The following C8orf34 variants were observed in gnomAD, a reference collection of about 807,000 sequenced individuals.
C8orf34 encodes uncharacterized protein C8orf34.
C8orf34 carries 65 observed loss-of-function variants against 68.3 expected under a neutral mutation model. The observed-to-expected ratio is 0.95, with a 90% CI of 0.78 to 1.17. C8orf34 has a LOEUF of 1.17. C8orf34 is among the 50% of genes most tolerant of loss of function. C8orf34 has a pLI of 0.00. For missense variants in C8orf34, 664 were observed against 655.4 expected (o/e 1.01, Z -0.14); for synonymous variants, 244 against 241.2 (o/e 1.01, Z -0.11).
intron 8 of C8orf34, among the ~76,000 whole-genome samples, chr8:68,662,347 G>A (rs1316658663): frequency 6.6e-6 from 1 of 152,110 alleles, no homozygotes; most frequent in Admixed American, 6.5e-5. Context: ...TAGAAAGGGG[G>A]TACAAGACAT....
intron 8 of C8orf34, among the ~76,000 whole-genome samples, chr8:68,707,426 A>C (rs2130955133): frequency 6.6e-6 from 1 of 152,320 alleles, no homozygotes; most frequent in East Asian, 1.9e-4. Flanking sequence ...TCTCTATGAC[A>C]TTTGGTTTAT....
chr8:68,699,346 G>A (rs184431077), intron 8 of C8orf34, among the ~76,000 whole-genome samples: 2 of 152,092 alleles, frequency 1.3e-5, no homozygotes, highest in South Asian at 2.1e-4. Flanking sequence ...TGTTCTGAAC[G>A]AAGTGTGCTG....
At position 68,521,932 on chromosome 8, in the gene C8orf34, A is replaced by C. The variant is rs1009987754; in HGVS notation, c.899A>C (p.Gln300Pro). ...CCAATTCCAAGAAGCAAAAATGACCAATGGGAAAGTGAAGATAGTGGCTCT... is the reference window on the plus strand; with the variant it reads ...CCAATTCCAAGAAGCAAAAATGACCCATGGGAAAGTGAAGATAGTGGCTCT... ...QPPIPRSKND[Q>P]WESEDSGSSP... Residue 300 changes from glutamine to proline, a missense_variant, in exon 6 of 14, where the codon CAA (glutamine) becomes CCA (proline). By Grantham distance (76) the Gln-to-Pro change is moderately conservative (BLOSUM62 -1). Coordinates refer to ENST00000518698, the MANE Select transcript of C8orf34 (RefSeq NM_052958.4). 2.5e-6 allele frequency: 4 copies of C among 1,613,996 alleles called. No individual in the cohort carries two copies. The African/African-American group carries it at 5.3e-5, about 22-fold the overall frequency.
intron 7 of C8orf34, among the ~76,000 whole-genome samples, chr8:68,603,325 C>T (rs761244088): frequency 2.6e-5 from 4 of 152,014 alleles, no homozygotes; most frequent in African/African-American, 7.2e-5. Flanking sequence ...ACTAAACTTG[C>T]ACTTGGCAAG....
intron 6 of C8orf34, among the ~76,000 whole-genome samples, chr8:68,531,690 T>C (rs1247935708): frequency 3.3e-5 from 5 of 152,044 alleles, no homozygotes; most frequent in Non-Finnish European, 7.4e-5. Context: ...GTCGTGTCAC[T>C]TCTGCTTGGA....
At chr8:68,480,082 T>C (rs1812794382) in intron 4 of C8orf34, among the ~76,000 whole-genome samples, 1 of 152,356 alleles carries the variant, frequency 6.6e-6, no homozygotes, top group South Asian at 2.1e-4. Flanking sequence ...TTAATATGGT[T>C]TGGCTATATC....
chr8:68,632,276 G>C (rs1818712579), intron 7 of C8orf34, among the ~76,000 whole-genome samples: 1 of 152,092 alleles, frequency 6.6e-6, no homozygotes, highest in African/African-American at 2.4e-5. Flanking sequence ...CCACCCTAGA[G>C]GTCTGTGGAA....
intron 5 of C8orf34, among the ~76,000 whole-genome samples, chr8:68,515,071 T>C (rs1814447962): frequency 6.6e-6 from 1 of 152,204 alleles, no homozygotes; most frequent in Non-Finnish European, 1.5e-5. Flanking sequence ...AAAAGTAGTT[T>C]ATTTTAATTA....
intron 6 of C8orf34, chr8:68,525,997 C>T (rs1814969882): frequency 8.5e-6 from 2 of 236,204 alleles, no homozygotes; most frequent in Admixed American, 7.3e-5. Flanking sequence ...CTCACTCTGT[C>T]ACACAGACTG....
intron 4 of C8orf34, among the ~76,000 whole-genome samples, chr8:68,469,283 T>TA (rs1812279220): frequency 6.6e-6 from 1 of 152,032 alleles, no homozygotes; most frequent in South Asian, 2.1e-4. Flanking sequence ...TTATTTTTTT[T>TA]AATGAAAGCA....
At chr8:68,533,273 A>C (rs1815327327) in intron 7 of C8orf34, 124 bp downstream of exon 7, 34 of 1,410,128 alleles carry the variant, frequency 2.4e-5, no homozygotes, top group Non-Finnish European at 3.0e-5. Context: ...CATTTAGTAC[A>C]TATTTTATTT....
chr8:68,745,977 A>G (rs899531271), intron 10 of C8orf34, among the ~76,000 whole-genome samples: 10 of 152,250 alleles, frequency 6.6e-5, no homozygotes, highest in African/African-American at 2.4e-4. Flanking sequence ...TTGACCACAT[A>G]CTTGGAAGTA....
At chr8:68,379,933 G>A (rs145675315) in intron 1 of C8orf34, among the ~76,000 whole-genome samples, 1 of 152,158 alleles carries the variant, frequency 6.6e-6, no homozygotes, top group African/African-American at 2.4e-5. Context: ...CTCACTGTAG[G>A]GTCAACCTCC....
chr8:68,427,593 G>A (rs895899559), intron 1 of C8orf34, among the ~76,000 whole-genome samples: 2 of 151,942 alleles, frequency 1.3e-5, no homozygotes, highest in Non-Finnish European at 2.9e-5. Flanking sequence ...AGAGTCTTTG[G>A]ATGATAGTAC....
chr8:68,535,751 C>A, intron 7 of C8orf34: 1 of 949,582 alleles, frequency 1.1e-6, no homozygotes, highest in South Asian at 4.9e-5. Context: ...GCTTTAAATG[C>A]TCCTTATAAA....
chr8:68,683,591 G>T (rs752899245), intron 8 of C8orf34, among the ~76,000 whole-genome samples: 1 of 151,956 alleles, frequency 6.6e-6, no homozygotes, highest in Non-Finnish European at 1.5e-5. Context: ...GGGTAGAAAT[G>T]AAAATGACAA....
intron 1 of C8orf34, among the ~76,000 whole-genome samples, chr8:68,427,856 G>GTTAT (rs1810295419): frequency 6.6e-6 from 1 of 151,200 alleles, no homozygotes; most frequent in Non-Finnish European, 1.5e-5. Context: ...TGATTGTATA[G>GTTAT]TTATTTCAAA....
chr8:68,439,533 A>G lies in C8orf34; in HGVS notation c.362A>G (p.Asp121Gly), dbSNP rs745482172. ...LMTKLITETP[D>G]QPIPFLIDHL... The stretch of plus-strand genomic sequence containing the variant: ...ACCAAGTTAATAACTGAGACACCTG[A>G]CCAGCCAATCCCATTTCTCATTGAC... Residue 121 changes from aspartate to glycine, a missense_variant, in exon 2 of 14, where the codon GAC (aspartate) becomes GGC (glycine). Coordinates refer to ENST00000518698, the MANE Select transcript of C8orf34 (RefSeq NM_052958.4). 6.2e-7 allele frequency: 1 copy of G among 1,613,638 alleles called. No homozygotes were observed. Among genetic ancestry groups the G allele is most frequent in the Admixed American group, 1.7e-5 (1 of 59,978 alleles).
At chr8:68,631,709 C>T (rs1280856022) in intron 7 of C8orf34, among the ~76,000 whole-genome samples, 2 of 152,032 alleles carry the variant, frequency 1.3e-5, no homozygotes, top group Non-Finnish European at 2.9e-5. Context: ...GTGGTTTACA[C>T]CATGCTGTTC....
Sources: gnomAD v4.1 joint callset for allele counts (sites outside exome capture counted in the v4.1 genomes callset) on GRCh38, gnomAD v4.1.1 for gene constraint, MANE v1.5 for transcripts, NCBI Gene and HGNC (gene_info 2026-07-23, HGNC 2026-07-21) for gene names.